COL25A1: variants seen among roughly 807,000 people sequenced by gnomAD.
COL25A1 encodes the protein collagen alpha-1(XXV) chain.
A neutral mutation model predicts 128.4 loss-of-function variants in COL25A1; 103 were observed. The observed-to-expected ratio is 0.80, with a 90% CI of 0.68 to 0.94. The LOEUF (loss-of-function observed/expected upper bound fraction) is 0.94, where lower values mean the gene tolerates loss of function less well. Among genes scored for constraint, COL25A1 ranks in the 40% least tolerant of loss-of-function variants. The pLI, the probability that COL25A1 is intolerant of heterozygous loss-of-function variation, is 0.00. For synonymous variants in COL25A1, 279 were observed against 277.2 expected, an observed-to-expected ratio of 1.01 and a Z score of -0.06; for missense variants, 745 against 840.0, an observed-to-expected ratio of 0.89 and a Z score of 1.40.
intron 8 of COL25A1, among the ~76,000 whole-genome samples, chr4:108,962,195 C>CT (rs113330555): frequency 0.028 from 2,174 of 77,696 alleles, 58 homozygotes; most frequent in African/African-American, 0.071. Context: ...CTTTTTTTTT[C>CT]TTTTTTTTTT....
At chr4:108,947,014 T>C (rs1179103762) in intron 8 of COL25A1, among the ~76,000 whole-genome samples, 2 of 151,888 alleles carry the variant, frequency 1.3e-5, no homozygotes, top group Non-Finnish European at 2.9e-5. Context: ...AATGGAAGGA[T>C]AGTAGAGGGA....
intron 3 of COL25A1, among the ~76,000 whole-genome samples, chr4:109,124,051 C>A (rs1768361501): frequency 6.6e-6 from 1 of 152,094 alleles, no homozygotes; most frequent in Non-Finnish European, 1.5e-5. Context: ...AAATATTTCA[C>A]AAAATGTAAA....
rs570404032 is a variant in COL25A1, at chr4:109,259,182, C to T, written c.367+41401G>A. On this transcript the variant is annotated intron_variant, in intron 3 of 37. Coordinates refer to ENST00000399132, the MANE Select transcript of COL25A1 (RefSeq NM_198721.4). ...AAGGAGGCCTATAAAGATTTCTGTG[C>T]GGAGATTATTGATCCCTCACATGCA... 1.1e-4 allele frequency among the ~76,000 whole-genome samples: 16 copies of T among 152,084 alleles called. No homozygotes were observed. In the South Asian group the frequency reaches 1.9e-3, roughly 18 times the overall value.
intron 3 of COL25A1, among the ~76,000 whole-genome samples, chr4:109,060,701 C>CAAAAAA (rs34073673): frequency 3.4e-5 from 5 of 147,288 alleles, no homozygotes; most frequent in African/African-American, 1.3e-4. Flanking sequence ...AAAAAAAAAA[C>CAAAAAA]AAAAAAACAT....
At chr4:109,067,473 A>G (rs1346931547) in intron 3 of COL25A1, among the ~76,000 whole-genome samples, 1 of 152,226 alleles carries the variant, frequency 6.6e-6, no homozygotes, top group Non-Finnish European at 1.5e-5. Context: ...GCATTTAAAA[A>G]TTACAGTCAC....
At chr4:108,900,700 G>A (rs1417361205) in intron 14 of COL25A1, among the ~76,000 whole-genome samples, 1 of 152,064 alleles carries the variant, frequency 6.6e-6, no homozygotes, top group African/African-American at 2.4e-5. Flanking sequence ...TGTTGTGTAA[G>A]AGCTGGAGGT....
intron 3 of COL25A1, among the ~76,000 whole-genome samples, chr4:109,072,950 G>T (rs1240251893): frequency 6.6e-6 from 1 of 152,104 alleles, no homozygotes; most frequent in East Asian, 1.9e-4. Context: ...GGATTTAATG[G>T]CTTATTCCAT....
At chr4:108,822,043 A>ATTTTTTTTTTTTTTTTTTTTTTTTTTTT (rs10567518) in intron 35 of COL25A1, among the ~76,000 whole-genome samples, 1 of 89,996 alleles carries the variant, frequency 1.1e-5, no homozygotes, top group Non-Finnish European at 2.1e-5. Flanking sequence ...CCTAATGGTA[A>ATTTTTTTTTTTTTTTTTTTTTTTTTTTT]TTTTTTTTTT....
At chr4:109,141,377 T>C (rs969669337) in intron 3 of COL25A1, among the ~76,000 whole-genome samples, 1 of 152,096 alleles carries the variant, frequency 6.6e-6, no homozygotes, top group Non-Finnish European at 1.5e-5. Flanking sequence ...TCATCAGGGA[T>C]ACTGGCCAGA....
chr4:109,236,369 G>C lies in COL25A1; in HGVS notation c.367+64214C>G, dbSNP rs139736437. 4.2e-4 allele frequency among the ~76,000 whole-genome samples: 64 copies of C among 152,152 alleles called. 1 individual carries two copies. Among genetic ancestry groups the C allele is most frequent in the African/African-American group, 1.5e-3 (62 of 41,552 alleles). On this transcript the variant is annotated intron_variant, in intron 3 of 37. Transcript: ENST00000399132. ...AAATAAGAGCTATTTTGAATTTTCT[G>C]GTTTGCTAGGCATCAGAGGCAGCAG...
intron 13 of COL25A1, among the ~76,000 whole-genome samples, chr4:108,913,783 A>G (rs1744546055): frequency 2.6e-5 from 4 of 152,232 alleles, no homozygotes; most frequent in African/African-American, 4.8e-5. Flanking sequence ...TTGCCAAAAA[A>G]TTATTCACTA....
intron 6 of COL25A1, among the ~76,000 whole-genome samples, chr4:109,001,203 T>C (rs1755328635): frequency 6.6e-6 from 1 of 152,206 alleles, no homozygotes; most frequent in Non-Finnish European, 1.5e-5. Flanking sequence ...TGTATTAGGA[T>C]ACTAGTGGTT....
At chr4:109,052,349 T>C (rs1364846) in intron 3 of COL25A1, among the ~76,000 whole-genome samples, 13,661 of 152,176 alleles carry the variant, frequency 0.09, 874 homozygotes, top group African/African-American at 0.18. Context: ...AATCTGCTTG[T>C]CATACTGAGA....
chr4:109,038,818 C>T (rs530404801), intron 5 of COL25A1, among the ~76,000 whole-genome samples: 1 of 152,198 alleles, frequency 6.6e-6, no homozygotes, highest in Non-Finnish European at 1.5e-5. Flanking sequence ...TCTGCCCCCA[C>T]TGGAGATTCA....
intron 3 of COL25A1, among the ~76,000 whole-genome samples, chr4:109,130,005 A>G (rs75065890): frequency 4.4e-5 from 3 of 67,574 alleles, no homozygotes; most frequent in African/African-American, 2.9e-4. Context: ...GTATAATTAA[A>G]AAAAAAAAAA....
chr4:109,142,633 T>C (rs1004555725), intron 3 of COL25A1, among the ~76,000 whole-genome samples: 1 of 152,180 alleles, frequency 6.6e-6, no homozygotes, highest in Non-Finnish European at 1.5e-5. Flanking sequence ...TAGCTTTGTG[T>C]TGCATTGATC....
chr4:109,255,919 T>G (rs764104491), intron 3 of COL25A1, among the ~76,000 whole-genome samples: 15 of 152,306 alleles, frequency 9.8e-5, no homozygotes, highest in Non-Finnish European at 2.2e-4. Context: ...ACAGAAGATT[T>G]CAAGTGGCAG....
At chr4:108,974,292 G>A in intron 8 of COL25A1, 75 bp downstream of exon 8, 1 of 1,486,450 alleles carries the variant, frequency 6.7e-7, no homozygotes, top group Non-Finnish European at 9.4e-7. Flanking sequence ...CAGTTATGAA[G>A]CTGGGGTACT....
intron 3 of COL25A1, among the ~76,000 whole-genome samples, chr4:109,238,221 T>C (rs977331105): frequency 1.3e-5 from 2 of 152,072 alleles, no homozygotes; most frequent in African/African-American, 4.8e-5. Flanking sequence ...GTTTTTAATA[T>C]TTTGGTACAC....
Sources: gnomAD v4.1 joint callset for allele counts (sites outside exome capture counted in the v4.1 genomes callset) on GRCh38, gnomAD v4.1.1 for gene constraint, MANE v1.5 for transcripts, NCBI Gene and HGNC (gene_info 2026-07-23, HGNC 2026-07-21) for gene names.